TNRC6A: variants seen among roughly 807,000 people sequenced by gnomAD.
TNRC6A encodes trinucleotide repeat containing adaptor 6A, also known as trinucleotide repeat-containing gene 6A protein.
In TNRC6A, 44 loss-of-function variants were observed where a neutral mutation model predicts 221.2. The ratio of observed to expected loss-of-function variants is 0.20; its 90% CI spans 0.16 to 0.26. The LOEUF (loss-of-function observed/expected upper bound fraction) is 0.26, where lower values mean the gene tolerates loss of function less well. TNRC6A is among the 10% of genes least tolerant of loss of function. The pLI, the probability that TNRC6A is intolerant of heterozygous loss-of-function variation, is 1.00. For synonymous variants in TNRC6A, 847 were observed against 838.5 expected (o/e 1.01, Z -0.18); for missense variants, 2,199 against 2,404.4 (o/e 0.91, Z 1.79).
At chr16:24,734,161 TGCAACCCTGTCTCAAA>T (rs752034806) in intron 2 of TNRC6A, among the ~76,000 whole-genome samples, 38 of 151,750 alleles carry the variant, frequency 2.5e-4, no homozygotes, top group African/African-American at 6.5e-4. Flanking sequence ...GGAAACAGAG[TGCAACCCTGTCTCAAA>T]GCAAAAAGAG....
At chr16:24,645,716 G>A (rs1430073813) in intron 2 of TNRC6A, among the ~76,000 whole-genome samples, 3 of 150,952 alleles carry the variant, frequency 2.0e-5, no homozygotes, top group Non-Finnish European at 4.4e-5. Flanking sequence ...ATATTTTGCA[G>A]CCAGGCGCGG....
chr16:24,638,268 A>C (rs561858124), intron 1 of TNRC6A, among the ~76,000 whole-genome samples: 1 of 152,040 alleles, frequency 6.6e-6, no homozygotes, highest in African/African-American at 2.4e-5. Flanking sequence ...AAATACAAAA[A>C]TTAGCCCAGC....
intron 4 of TNRC6A, among the ~76,000 whole-genome samples, chr16:24,762,173 T>G (rs1196548170): frequency 6.6e-6 from 1 of 152,256 alleles, no homozygotes; most frequent in Non-Finnish European, 1.5e-5. Context: ...CCGCTCTGTT[T>G]CTGGGTTAAT....
intron 2 of TNRC6A, among the ~76,000 whole-genome samples, chr16:24,644,329 C>T (rs970889073): frequency 6.6e-6 from 1 of 151,846 alleles, no homozygotes; most frequent in Non-Finnish European, 1.5e-5. Flanking sequence ...GGGTCTCACT[C>T]TGTCCACCAG....
intron 11 of TNRC6A, among the ~76,000 whole-genome samples, chr16:24,802,921 C>T (rs570832558): frequency 1.3e-5 from 2 of 152,138 alleles, no homozygotes; most frequent in South Asian, 4.1e-4. Context: ...TGGGCCGGAG[C>T]TGGCTATATC....
At chr16:24,780,183 C>A (rs2057810461) in intron 5 of TNRC6A, among the ~76,000 whole-genome samples, 1 of 152,128 alleles carries the variant, frequency 6.6e-6, no homozygotes, top group African/African-American at 2.4e-5. Context: ...ATTAAGAAGA[C>A]TAACATAGTG....
intron 2 of TNRC6A, among the ~76,000 whole-genome samples, 198 bp downstream of exon 2, chr16:24,730,498 A>T (rs1274117480): frequency 3.1e-4 from 40 of 127,382 alleles, no homozygotes; most frequent in African/African-American, 1.2e-3. Flanking sequence ...TCTTTCTTTA[A>T]AAAAAAAAAA....
chr16:24,758,946 T>TGAA (rs2057307035), intron 4 of TNRC6A, among the ~76,000 whole-genome samples: 1 of 152,096 alleles, frequency 6.6e-6, no homozygotes, highest in East Asian at 1.9e-4. Context: ...TCAGGAGTTC[T>TGAA]TCACCCTCCC....
At chr16:24,728,335 T>C (rs998449606), upstream of TNRC6A, among the ~76,000 whole-genome samples, 5 of 152,096 alleles carry the variant, frequency 3.3e-5, no homozygotes, top group Admixed American at 3.3e-4. Context: ...TAATCCCAGC[T>C]ACTTGGGAGG....
At chr16:24,678,539 C>A (rs1243204514) in intron 2 of TNRC6A, among the ~76,000 whole-genome samples, 2 of 152,096 alleles carry the variant, frequency 1.3e-5, no homozygotes, top group Admixed American at 6.6e-5. Context: ...AGTGCATGAG[C>A]TTAGAAGCGG....
chr16:24,678,791 A>T (rs2055471126), intron 2 of TNRC6A, among the ~76,000 whole-genome samples: 1 of 152,152 alleles, frequency 6.6e-6, no homozygotes, highest in Admixed American at 6.6e-5. Flanking sequence ...CTGTGAGATA[A>T]TATTTGTCGT....
At chr16:24,750,362 A>G (rs2057108628) in intron 2 of TNRC6A, among the ~76,000 whole-genome samples, 1 of 152,186 alleles carries the variant, frequency 6.6e-6, no homozygotes, top group African/African-American at 2.4e-5. Context: ...CATTGCCATT[A>G]GCTACTAATT....
At chr16:24,788,108 A>C (rs1324415180) in intron 5 of TNRC6A, among the ~76,000 whole-genome samples, 1 of 152,254 alleles carries the variant, frequency 6.6e-6, no homozygotes, top group Admixed American at 6.5e-5. Flanking sequence ...ATTCAGAAGC[A>C]CTAGAACTGC....
At chr16:24,626,833 A>C (rs1003952943) in intron 1 of TNRC6A, among the ~76,000 whole-genome samples, 1 of 151,220 alleles carries the variant, frequency 6.6e-6, no homozygotes, top group South Asian at 2.1e-4. Flanking sequence ...TGTACTTTTT[A>C]GTAGAGAGGG....
At chr16:24,797,376 A>C in intron 9 of TNRC6A, 114 bp from the exon 10 acceptor site, 5 of 705,868 alleles carry the variant, frequency 7.1e-6, no homozygotes, top group Non-Finnish European at 1.2e-5. Context: ...TTGGAGGAGA[A>C]ATTATTGGCT....
chr16:24,805,551 T>C lies in TNRC6A; in HGVS notation c.4123-54T>C, dbSNP rs1035611516. The stretch of plus-strand genomic sequence containing the variant: ...GACAACTGAAAACACACAGTACGTG[T>C]AGTTAGTGTGAGTTATTTTATCAAG... On this transcript the variant is annotated intron_variant, in intron 14 of 24. Transcript: ENST00000395799. 29 of 1,603,746 alleles carry C rather than the reference T, an allele frequency of 1.8e-5. No homozygotes were observed. The Admixed American group carries it at 3.0e-4, about 17-fold the overall frequency.
In TNRC6A at chr16:24,825,407, G is replaced by A. The variant is rs912726818; in HGVS notation, c.*1600G>A. On this transcript the variant is annotated 3_prime_UTR_variant, in exon 25 of 25. Transcript: ENST00000395799. Reference sequence around the variant, plus strand: ...TAAAATGTACAGTTTGGTTGTGTTTGAATTATGAAATTTCTTCAGATATAA... The same window carrying A: ...TAAAATGTACAGTTTGGTTGTGTTTAAATTATGAAATTTCTTCAGATATAA... The A allele has an allele frequency of 3.9e-5, 6 of 152,592 alleles. No individual in the cohort carries two copies. The highest frequency in any genetic ancestry group is 8.8e-5 in the Non-Finnish European group (6 of 68,018). The allele number at this position is 152,592 out of a possible 1,614,324, so 9.5% of individuals were successfully genotyped here.
chr16:24,779,710 A>T (rs2057799052), intron 5 of TNRC6A, among the ~76,000 whole-genome samples: 1 of 152,254 alleles, frequency 6.6e-6, no homozygotes, highest in South Asian at 2.1e-4. Context: ...GGTACTAGTT[A>T]GTATAAACAG....
intron 2 of TNRC6A, among the ~76,000 whole-genome samples, chr16:24,700,401 A>C (rs1373893607): frequency 6.6e-6 from 1 of 151,924 alleles, no homozygotes; most frequent in African/African-American, 2.4e-5. Flanking sequence ...ATGCCCGGCT[A>C]ATTTTTGTAT....
Sources: gnomAD v4.1 joint callset for allele counts (sites outside exome capture counted in the v4.1 genomes callset) on GRCh38, gnomAD v4.1.1 for gene constraint, MANE v1.5 for transcripts, NCBI Gene and HGNC (gene_info 2026-07-23, HGNC 2026-07-21) for gene names.